Variants in AOX1 observed in about 807,000 individuals in gnomAD.
AOX1 encodes aldehyde oxidase.
Under a neutral mutation model 169.5 loss-of-function variants are expected in AOX1, and 153 were observed. That is an observed-to-expected ratio of 0.90 (90% CI 0.79 to 1.03). The LOEUF is 1.03. AOX1 is among the 50% of genes least tolerant of loss of function. AOX1 has a pLI of 0.00. For missense variants in AOX1, 1,656 were observed against 1,663.9 expected (o/e 1.00, Z 0.08); for synonymous variants, 562 against 581.9 (o/e 0.97, Z 0.49).
intron 20 of AOX1, among the ~76,000 whole-genome samples, chr2:200,633,348 G>A (rs2035165234): frequency 6.6e-6 from 1 of 151,644 alleles, no homozygotes; most frequent in South Asian, 2.1e-4. Context: ...TAGATCTTTT[G>A]TTATAGCCAA....
chr2:200,669,464 T>G lies in AOX1; in HGVS notation c.3799-111T>G, dbSNP rs115037187. ...AGACTCTGTCTCAAAAAAAAAAAAA[T>G]GTACATATGTAGTACGTAATATTTT... is the stretch of plus-strand genomic sequence containing the variant. On this transcript the variant is annotated intron_variant, in intron 33 of 34. Transcript: ENST00000374700. 2,383 of 1,190,596 alleles carry G rather than the reference T, an allele frequency of 2.0e-3. 39 individuals carry two copies. The African/African-American group carries it at 0.032, about 16-fold the overall frequency. The allele number at this position is 1,190,596 out of a possible 1,614,324, so 73.8% of individuals were successfully genotyped here.
chr2:200,595,226 AAG>A, intron 2 of AOX1, 44 bp from the exon 3 acceptor site: 1 of 1,500,600 alleles, frequency 6.7e-7, no homozygotes, highest in Non-Finnish European at 9.2e-7. Context: ...CTATTCTAGA[AAG>A]AGAATTACAT....
intron 18 of AOX1, among the ~76,000 whole-genome samples, 179 bp downstream of exon 18, chr2:200,621,425 G>C (rs1202745471): frequency 1.3e-5 from 2 of 152,076 alleles, no homozygotes; most frequent in African/African-American, 4.8e-5. Context: ...TTCTGTACAA[G>C]TAAAGACATT....
At chr2:200,663,071 C>A in intron 31 of AOX1, 102 bp downstream of exon 31, 1 of 862,790 alleles carries the variant, frequency 1.2e-6, no homozygotes. Flanking sequence ...CAGCATCGTG[C>A]ATTTGGCCTA....
intron 20 of AOX1, among the ~76,000 whole-genome samples, chr2:200,632,305 A>G (rs1371210083): frequency 6.8e-6 from 1 of 146,204 alleles, no homozygotes; most frequent in Non-Finnish European, 1.5e-5. Context: ...ACACATACAT[A>G]TACACATACA....
At chr2:200,654,924 A>G (rs2035652362) in intron 26 of AOX1, among the ~76,000 whole-genome samples, 1 of 152,344 alleles carries the variant, frequency 6.6e-6, no homozygotes, top group Admixed American at 6.5e-5. Flanking sequence ...GCAGCACCAC[A>G]TGGAACAAAT....
At chr2:200,681,882 AT>A (rs2036154768), downstream of AOX1, among the ~76,000 whole-genome samples, 1 of 151,880 alleles carries the variant, frequency 6.6e-6, no homozygotes, top group African/African-American at 2.4e-5. Flanking sequence ...AAATCTTTTA[AT>A]TATGTATTTA....
chr2:200,617,881 G>T (rs927737778), intron 16 of AOX1, among the ~76,000 whole-genome samples: 4 of 152,086 alleles, frequency 2.6e-5, no homozygotes, highest in Non-Finnish European at 5.9e-5. Context: ...CCTACCATCT[G>T]CAACATATGA....
intron 23 of AOX1, among the ~76,000 whole-genome samples, 179 bp from the exon 24 acceptor site, chr2:200,640,919 T>C (rs745829186): frequency 6.6e-6 from 1 of 152,216 alleles, no homozygotes; most frequent in Admixed American, 6.5e-5. Flanking sequence ...ATTTCACAGA[T>C]AGTCTGAGTG....
intron 25 of AOX1, 49 bp downstream of exon 25, chr2:200,642,850 G>A (rs151315055): frequency 3.9e-5 from 61 of 1,557,844 alleles, no homozygotes; most frequent in Non-Finnish European, 5.0e-5. Context: ...TGTCAGAGAC[G>A]GTAGGGCCTT....
rs2036024093 is a variant in AOX1 at position 200,671,222 on chromosome 2, A to G, written c.*543A>G. ...AAACCCAAAAGCTTTAAAAGTTACT[A>G]TCAAGAAATTGAAAGGAAACCCACA... is the stretch of plus-strand genomic sequence containing the variant. On this transcript the variant is annotated 3_prime_UTR_variant, in exon 35 of 35. Transcript: ENST00000374700. The G allele has an allele frequency of 6.6e-6, 1 of 152,248 alleles. No homozygotes were observed. The highest frequency in any genetic ancestry group is 2.1e-4 in the South Asian group (1 of 4,838). 9.4% of individuals were successfully genotyped at this position (152,248 alleles called of 1,614,324 possible).
chr2:200,638,265 T>C lies in AOX1; in HGVS notation c.2531T>C (p.Ile844Thr). Residue 844 changes from isoleucine to threonine, a missense_variant, in exon 23 of 35, where the codon ATA becomes ACA. Transcript: ENST00000374700. ...CVLERGEDML[I>T]TGGRHPYLGK... Reference sequence around the variant, plus strand: ...CTGGAACGAGGAGAAGACATGTTAATAACTGGAGGCCGCCATCCTTACCTT... The same window carrying C: ...CTGGAACGAGGAGAAGACATGTTAACAACTGGAGGCCGCCATCCTTACCTT... 1 of 1,613,812 alleles carries C rather than the reference T, an allele frequency of 6.2e-7. No homozygotes were observed.
chr2:200,592,709 A>C (rs1414417863), intron 1 of AOX1, among the ~76,000 whole-genome samples: 1 of 151,984 alleles, frequency 6.6e-6, no homozygotes, highest in Non-Finnish European at 1.5e-5. Flanking sequence ...ATAAACAAAC[A>C]AGTCTTTTTA....
At chr2:200,660,178 A>G in intron 29 of AOX1, 109 bp downstream of exon 29, 4 of 873,998 alleles carry the variant, frequency 4.6e-6, no homozygotes, top group Non-Finnish European at 7.4e-6. Context: ...TTGCAAAGGT[A>G]CCACCATTGT....
chr2:200,611,405 TA>T lies in AOX1; in HGVS notation c.1178del (p.Asn393MetfsTer22). 6.2e-7 allele frequency: 1 copy of T among 1,613,750 alleles called. No individual in the cohort carries two copies. ...ACAGAAGGAAAACGACAGATTCCTT[TA>T]AATGAGCAATTCCTCAGCAAGTGCC... ...LSKEGKRQIP[L>X]NEQFLSKCPN... On this transcript the variant is annotated frameshift_variant, in exon 13 of 35. Coordinates refer to ENST00000374700, the MANE Select transcript of AOX1 (RefSeq NM_001159.4). LOFTEE classifies it high-confidence loss of function.
At chr2:200,600,568 C>T (rs17532875) in intron 5 of AOX1, among the ~76,000 whole-genome samples, 20,901 of 151,942 alleles carry the variant, frequency 0.14, 1,513 homozygotes, top group Non-Finnish European at 0.15. Flanking sequence ...TCCATGGCTC[C>T]GTTTGTCTTT....
rs748978616 is a variant in AOX1 at position 200,621,126 on chromosome 2, T to TG, written c.1882dup (p.Asp628GlyfsTer21). 1.1e-5 allele frequency: 17 copies of TG among 1,613,270 alleles called. 1 individual carries two copies. In the South Asian group the frequency reaches 1.9e-4, roughly 18 times the overall value. ...TGCTGTGTATATCATCTAGGTCTAT[T>TG]GATCTGTCAGAAGCTCTCAGCATGC... On this transcript the variant is annotated frameshift_variant, in exon 18 of 35. Transcript: ENST00000374700. LOFTEE classifies it high-confidence loss of function.
chr2:200,657,165 A>ATATATATATATATATATAT (rs2035706456), intron 27 of AOX1, among the ~76,000 whole-genome samples: 1 of 88,408 alleles, frequency 1.1e-5, no homozygotes, highest in African/African-American at 5.2e-5. Context: ...CTCTACCAAA[A>ATATATATATATATATATAT]ATATATATAT....
At chr2:200,630,548 G>GGAAGGA (rs2035098518) in intron 20 of AOX1, among the ~76,000 whole-genome samples, 3 of 120,556 alleles carry the variant, frequency 2.5e-5, no homozygotes, top group African/African-American at 6.4e-5. Flanking sequence ...GGAAGGAAGG[G>GGAAGGA]AGGAAGGAAG....
Sources: gnomAD v4.1 joint callset for allele counts (sites outside exome capture counted in the v4.1 genomes callset) on GRCh38, gnomAD v4.1.1 for gene constraint, MANE v1.5 for transcripts, NCBI Gene and HGNC (gene_info 2026-07-23, HGNC 2026-07-21) for gene names.